Variants in TTN observed in about 807,000 individuals in gnomAD.
TTN encodes connectin.
TTN carries 1,525 observed loss-of-function variants against 3,223.0 expected under a neutral mutation model. The ratio of observed to expected loss-of-function variants is 0.47; its 90% CI spans 0.45 to 0.49. The LOEUF is 0.49. TTN is among the 20% of genes least tolerant of loss of function. The probability of loss-of-function intolerance (pLI) is 0.00; values close to 1 mark genes in which losing one functional copy is unlikely to be tolerated. For synonymous variants in TTN, 14,094 were observed against 15,161.0 expected, an observed-to-expected ratio of 0.93 and a Z score of 5.17; for missense variants, 40,786 against 43,424.0, an observed-to-expected ratio of 0.94 and a Z score of 5.40.
intron 127 of TTN, among the ~76,000 whole-genome samples, chr2:178,687,871 C>A (rs887031053): frequency 7.9e-5 from 12 of 151,940 alleles, no homozygotes; most frequent in Non-Finnish European, 1.8e-4. Context: ...TATGAAGCCT[C>A]TTTTATTCTA....
chr2:178,583,604 T>TA lies in TTN; in HGVS notation c.65575+2dup. 1 of 1,591,516 alleles carries TA rather than the reference T, an allele frequency of 6.3e-7. No individual in the cohort carries two copies. The highest frequency in any genetic ancestry group is 8.6e-7 in the Non-Finnish European group (1 of 1,166,834). On this transcript the variant is annotated splice_region_variant and intron_variant, in intron 312 of 362. Transcript: ENST00000589042. ...TTGCCTATAATACTCAGCAGAATCT[T>TA]ACCATTTTCTGCGAGGATAGTCACT...
rs1200336582 is a variant in TTN, at chr2:178,651,841, GAA to G, written c.39379+41_39379+42del. The G allele has an allele frequency of 9.4e-6, 15 of 1,600,328 alleles. 1 individual carries two copies. In the Admixed American group the frequency reaches 2.6e-4, roughly 28 times the overall value. On this transcript the variant is annotated intron_variant, in intron 205 of 362. Transcript: ENST00000589042. ...CCCAGAATTATCAGGGCAGGAAGGG[GAA>G]AGAGTGGCCGAGGTGTCCTAGCAGC...
rs1229411476 is a variant in TTN, at chr2:178,611,547, T to A, written c.50682A>T (p.Val16894=). The change falls in exon 269 of 363, where the codon GTA becomes GTT. Residue 16894 remains valine, a synonymous_variant. Coordinates refer to ENST00000589042, the MANE Select transcript of TTN (RefSeq NM_001267550.2). ...TAACTCTCATCCATTTCTCAGTGCC[T>A]ACTGGACACATTTCAACATGGTATC... The part of the protein sequence containing the change: ...IIGYHVEMCP[V]GTEKWMRVNS... 1 of 1,613,062 alleles carries A rather than the reference T, an allele frequency of 6.2e-7. No individual in the cohort carries two copies. The highest frequency in any genetic ancestry group is 1.7e-5 in the Admixed American group (1 of 59,972).
In TTN at chr2:178,578,185, C is replaced by G; in HGVS notation, c.68330G>C (p.Gly22777Ala). 6.2e-7 allele frequency: 1 copy of G among 1,609,914 alleles called. No individual in the cohort carries two copies. The change falls in exon 322 of 363, where the codon GGG becomes GCG. Residue 22777 changes from glycine to alanine, a missense_variant and splice_region_variant. Transcript: ENST00000589042. Reference protein sequence around the residue: ...PKKTGGSPITGYHLEFKERNS... With the variant: ...PKKTGGSPITAYHLEFKERNS... The stretch of plus-strand genomic sequence containing the variant: ...TCTTTCCTTGAACTCGAGATGATAC[C>G]CTACAAAAGACCCAGGGATGTATCA...
At chr2:178,758,307 C>T (rs965970800) in intron 44 of TTN, among the ~76,000 whole-genome samples, 1 of 152,198 alleles carries the variant, frequency 6.6e-6, no homozygotes, top group African/African-American at 2.4e-5. Flanking sequence ...AATAGTTTCT[C>T]TAAATCCTTA....
At chr2:178,795,364 C>T in intron 6 of TTN, 112 bp from the exon 7 acceptor site, 1 of 918,092 alleles carries the variant, frequency 1.1e-6, no homozygotes, top group Non-Finnish European at 1.8e-6. Flanking sequence ...AAAATGTGTG[C>T]CTCCATAACC....
Position 178,543,202 on chromosome 2 carries a change from G to A in TTN, c.96771C>T (p.Pro32257=), listed in dbSNP as rs770832976. Residue 32257 remains proline (P), a synonymous_variant, in exon 347 of 363, where the codon CCC becomes CCT. Coordinates refer to ENST00000589042, the MANE Select transcript of TTN (RefSeq NM_001267550.2). ...AAGTAACAGTGTGCTCTAGGACTGT[G>A]GGTTTTAAGGTGACAACCTTCATCC... ...ERWMKVVTLK[P]TVLEHTVTSL... 1.2e-6 allele frequency: 2 copies of A among 1,613,564 alleles called. No individual in the cohort carries two copies.
Position 178,789,370 on chromosome 2 carries a change from G to A in TTN, c.2066C>T (p.Thr689Ile). The change falls in exon 13 of 363, where the codon ACC becomes ATC. Residue 689 changes from threonine (T) to isoleucine (I), a missense_variant. Thr to Ile is a moderately conservative substitution (Grantham distance 89, BLOSUM62 -1). Transcript: ENST00000589042. ...AACAACAATAGTCACCTTTCCATGG[G>A]TAACTTGGATTTGTTCTTGTCTAGT... ...MATRQEQIQV[T>I]HGKVDVGKKA... 1 of 1,613,262 alleles carries A rather than the reference G, an allele frequency of 6.2e-7. No individual in the cohort carries two copies. The highest frequency in any genetic ancestry group is 8.5e-7 in the Non-Finnish European group (1 of 1,179,358).
In TTN at chr2:178,725,966, C is replaced by G. The variant is rs1191785544; in HGVS notation, c.20356G>C (p.Gly6786Arg). ...CATACCACCTCAAACGGTGGTGTTC[C>G]CGAAAGTTCACATTCAAGACTGACT... ...AEVSLECELS[G>R]TPPFEVVWYK... The change falls in exon 70 of 363, where the codon GGA becomes CGA. Residue 6786 changes from glycine (G) to arginine (R), a missense_variant. Gly to Arg is a moderately radical substitution (Grantham distance 125, BLOSUM62 -2). Transcript: ENST00000589042. 1.2e-6 allele frequency: 2 copies of G among 1,611,136 alleles called. No individual in the cohort carries two copies. The highest frequency in any genetic ancestry group is 1.3e-5 in the African/African-American group (1 of 74,730).
intron 146 of TTN, 140 bp from the exon 147 acceptor site, chr2:178,677,427 A>C: frequency 3.0e-6 from 2 of 655,844 alleles, no homozygotes; most frequent in South Asian, 1.1e-4. Flanking sequence ...AAAGACATTT[A>C]GATAATTTAC....
Position 178,789,391 on chromosome 2 carries a change from C to T in TTN, c.2045G>A (p.Arg682Lys). The T allele has an allele frequency of 6.2e-7, 1 of 1,613,426 alleles. No homozygotes were observed. The highest frequency in any genetic ancestry group is 8.5e-7 in the Non-Finnish European group (1 of 1,179,480). The stretch of plus-strand genomic sequence containing the variant: ...ATGGGTAACTTGGATTTGTTCTTGT[C>T]TAGTAGCCATAGTTTCTCTAGTTCT... ...ILRTRETMAT[R>K]QEQIQVTHGK... is the part of the protein sequence containing the mutation. Residue 682 changes from arginine (R) to lysine (K), a missense_variant, in exon 13 of 363, where the codon AGA (arginine) becomes AAA (lysine). Coordinates refer to ENST00000589042, the MANE Select transcript of TTN (RefSeq NM_001267550.2).
rs768380109 is a variant in TTN, at chr2:178,580,439, C to T, written c.66940G>A (p.Asp22314Asn). 6.2e-7 allele frequency: 1 copy of T among 1,613,226 alleles called. No individual in the cohort carries two copies. Among genetic ancestry groups the T allele is most frequent in the Non-Finnish European group, 8.5e-7 (1 of 1,179,480 alleles). Residue 22314 changes from aspartate to asparagine, a missense_variant, in exon 317 of 363, where the codon GAC becomes AAC. Coordinates refer to ENST00000589042, the MANE Select transcript of TTN (RefSeq NM_001267550.2). ...DRIGLDIKST[D>N]FDTFLRCENV... ...TCACAGCGCAAGAAAGTGTCAAAGT[C>T]AGTTGACTTTATGTCCAGTCCAATC...
chr2:178,773,702 T>C lies in TTN; in HGVS notation c.7354A>G (p.Lys2452Glu). ...VYSVDVITPL[K>E]DVNVIEGTKA... ...GTGCCTTCAATCACATTAACATCTT[T>C]TAGAGGTGTTATCACGTCCACACCT... The change falls in exon 32 of 363, where the codon AAA (lysine) becomes GAA (glutamate). Residue 2452 changes from lysine (K) to glutamate (E), a missense_variant. Lys to Glu is a moderately conservative substitution (Grantham distance 56). Coordinates refer to ENST00000589042, the MANE Select transcript of TTN (RefSeq NM_001267550.2). The C allele has an allele frequency of 6.2e-7, 1 of 1,614,044 alleles. No homozygotes were observed.
intron 362 of TTN, 48 bp downstream of exon 362, chr2:178,527,398 A>G (rs770252690): frequency 7.5e-6 from 12 of 1,593,178 alleles, no homozygotes; most frequent in Non-Finnish European, 1.0e-5. Context: ...TAAAGACTAC[A>G]CCATGTTACT....
rs372022675 is a variant in TTN at position 178,730,710 on chromosome 2, T to C, written c.17823A>G (p.Ile5941Met). 3.7e-6 allele frequency: 6 copies of C among 1,613,528 alleles called. No individual in the cohort carries two copies. Among genetic ancestry groups the C allele is most frequent in the African/African-American group, 1.3e-5 (1 of 74,928 alleles). ...TGCTTATGGGATGTGACCCAGCCAC[T>C]ATACATTCTAAATCAATGAAAGAAC... The part of the protein sequence containing the change: ...IKGSFIDLEC[I>M]VAGSHPISIQ... Residue 5941 changes from isoleucine to methionine, a missense_variant, in exon 61 of 363, where the codon ATA becomes ATG. Physicochemically the swap from Ile to Met is conservative, Grantham distance 10. Transcript: ENST00000589042.
In TTN at chr2:178,667,414, A is replaced by G. The variant is rs770915804; in HGVS notation, c.35713+28T>C. The G allele has an allele frequency of 5.7e-6, 9 of 1,586,214 alleles. No homozygotes were observed. In the South Asian group the frequency reaches 1.0e-4, roughly 18 times the overall value. On this transcript the variant is annotated intron_variant, in intron 161 of 362. Coordinates refer to ENST00000589042, the MANE Select transcript of TTN (RefSeq NM_001267550.2). ...TTGAGTCATAAAGCTAAAGATACTCATCTGGGTTTGATGTATTTGAAATAT... is the reference window on the plus strand; with the variant it reads ...TTGAGTCATAAAGCTAAAGATACTCGTCTGGGTTTGATGTATTTGAAATAT...
At chr2:178,670,155 T>C (rs751906315) in intron 157 of TTN, 63 bp downstream of exon 157, 400 of 1,108,266 alleles carry the variant, frequency 3.6e-4, no homozygotes, top group Non-Finnish European at 4.5e-4. Flanking sequence ...GAAAGGTCTC[T>C]CTTACATAGT....
intron 218 of TTN, among the ~76,000 whole-genome samples, chr2:178,642,678 C>G (rs1450687121): frequency 6.6e-6 from 1 of 151,914 alleles, no homozygotes. Flanking sequence ...ACGATGTTAT[C>G]TACCCAACCA....
rs890825956 is a variant in TTN, at chr2:178,670,220, T to C, written c.35384A>G (p.Lys11795Arg). ...GATGAATGAGAAAAGCCAGTTACCTTTAGTTGGTGGAACTCTGGGCTCTTC... is the reference window on the plus strand; with the variant it reads ...GATGAATGAGAAAAGCCAGTTACCTCTAGTTGGTGGAACTCTGGGCTCTTC... ...VPEEPRVPPT[K>R]APEVPKKIVP... Residue 11795 changes from lysine to arginine, a missense_variant and splice_region_variant, in exon 157 of 363, where the codon AAA becomes AGA. Physicochemically the swap from Lys to Arg is conservative, Grantham distance 26 (BLOSUM62 2). Coordinates refer to ENST00000589042, the MANE Select transcript of TTN (RefSeq NM_001267550.2). 2.0e-6 allele frequency: 3 copies of C among 1,465,200 alleles called. No individual in the cohort carries two copies. The highest frequency in any genetic ancestry group is 2.7e-6 in the Non-Finnish European group (3 of 1,112,912). 90.8% of individuals were successfully genotyped at this position (1,465,200 alleles called of 1,614,324 possible). A position where few individuals can be genotyped will look rare whatever the true frequency, so the allele number is the denominator to read the frequency against.
Sources: allele counts gnomAD v4.1 joint callset (sites outside exome capture counted in the v4.1 genomes callset), GRCh38; gene constraint gnomAD v4.1.1; transcripts MANE v1.5; gene names NCBI Gene and HGNC (gene_info 2026-07-23, HGNC 2026-07-21).